CTNNA3: variants seen among roughly 807,000 people sequenced by gnomAD.
The protein encoded by CTNNA3 is catenin alpha 3.
CTNNA3 carries 76 observed loss-of-function variants against 95.7 expected under a neutral mutation model. That is an observed-to-expected ratio of 0.79 (90% CI 0.66 to 0.96). The LOEUF is 0.96. CTNNA3 is among the 40% of genes least tolerant of loss of function. The pLI is 0.00. For missense variants in CTNNA3, 1,191 were observed against 1,089.8 expected (o/e 1.09, Z -1.31); for synonymous variants, 431 against 374.4 (o/e 1.15, Z -1.74).
intron 10 of CTNNA3, among the ~76,000 whole-genome samples, chr10:66,591,565 C>G (rs542026013): frequency 2.6e-5 from 4 of 152,224 alleles, no homozygotes; most frequent in Admixed American, 6.6e-5. Flanking sequence ...AAGAGATGCT[C>G]TTGACATTGA....
chr10:66,879,989 A>C (rs1844783016), intron 7 of CTNNA3, among the ~76,000 whole-genome samples: 1 of 152,116 alleles, frequency 6.6e-6, no homozygotes, highest in African/African-American at 2.4e-5. Context: ...AAGATGTTGC[A>C]GCAAAGAACT....
chr10:67,453,138 C>T (rs1847052056), intron 5 of CTNNA3, among the ~76,000 whole-genome samples: 1 of 152,132 alleles, frequency 6.6e-6, no homozygotes, highest in Admixed American at 6.5e-5. Context: ...TGATCATCAG[C>T]TTGAGAGCTA....
chr10:65,961,284 T>G (rs1472706917), intron 17 of CTNNA3, among the ~76,000 whole-genome samples: 1 of 152,190 alleles, frequency 6.6e-6, no homozygotes, highest in Non-Finnish European at 1.5e-5. Flanking sequence ...ATATTTTATC[T>G]GTCATTGCAT....
chr10:66,817,545 G>A (rs957958081), intron 7 of CTNNA3, among the ~76,000 whole-genome samples: 17 of 151,900 alleles, frequency 1.1e-4, no homozygotes, highest in African/African-American at 4.1e-4. Flanking sequence ...ACAACTACAT[G>A]CCAACAAATT....
At chr10:66,736,331 G>A (rs1194263426) in intron 9 of CTNNA3, among the ~76,000 whole-genome samples, 3 of 151,166 alleles carry the variant, frequency 2.0e-5, no homozygotes, top group Middle Eastern at 3.2e-3. Flanking sequence ...GACTACAGGC[G>A]CACGCCGCCA....
At chr10:67,738,243 G>A (rs776671187) in intron 1 of CTNNA3, among the ~76,000 whole-genome samples, 5 of 152,140 alleles carry the variant, frequency 3.3e-5, no homozygotes, top group Admixed American at 6.5e-5. Flanking sequence ...ATCAGGCAGC[G>A]ATATTTGCTG....
chr10:66,262,001 A>G (rs1357210872), intron 13 of CTNNA3, among the ~76,000 whole-genome samples: 1 of 151,186 alleles, frequency 6.6e-6, no homozygotes, highest in Non-Finnish European at 1.5e-5. Flanking sequence ...CAACCATTAA[A>G]CCTCTTTCTC....
chr10:65,984,221 T>C (rs1481522849), intron 16 of CTNNA3, among the ~76,000 whole-genome samples: 1 of 151,252 alleles, frequency 6.6e-6, no homozygotes, highest in Non-Finnish European at 1.5e-5. Context: ...ATAATATACA[T>C]AGACACTGAA....
At chr10:65,968,301 G>A (rs1016257469) in intron 16 of CTNNA3, among the ~76,000 whole-genome samples, 9 of 152,038 alleles carry the variant, frequency 5.9e-5, no homozygotes, top group African/African-American at 1.9e-4. Flanking sequence ...GCCTGAGCCC[G>A]AGAAGTTAAT....
chr10:66,345,405 C>A (rs1398527688), intron 12 of CTNNA3, among the ~76,000 whole-genome samples: 1 of 152,044 alleles, frequency 6.6e-6, no homozygotes, highest in Non-Finnish European at 1.5e-5. Context: ...TGATGACCAG[C>A]GTTAAATCAG....
rs115989638 is a variant in CTNNA3, at chr10:67,348,895, C to T, written c.580-129025G>A. ...CTCAACAGCAAAAAGACTAATAACC[C>T]AATTTTTTAAATGGGGCAAAAAAAC... is the stretch of plus-strand genomic sequence containing the variant. On this transcript the variant is annotated intron_variant, in intron 5 of 17. Coordinates refer to ENST00000433211, the MANE Select transcript of CTNNA3 (RefSeq NM_013266.4). Among the ~76,000 whole-genome samples the T allele has an allele frequency of 8.0e-3, 1,211 of 152,192 alleles. 26 individuals carry two copies. Among genetic ancestry groups the T allele is most frequent in the African/African-American group, 0.028 (1,144 of 41,526 alleles).
chr10:67,706,574 C>T (rs1036535011), intron 1 of CTNNA3, among the ~76,000 whole-genome samples: 1 of 151,986 alleles, frequency 6.6e-6, no homozygotes, highest in African/African-American at 2.4e-5. Flanking sequence ...ATTCCAAGTC[C>T]CTTGGGAGGA....
chr10:66,014,564 CTA>C (rs1370210073), intron 15 of CTNNA3, among the ~76,000 whole-genome samples: 1 of 152,104 alleles, frequency 6.6e-6, no homozygotes, highest in Non-Finnish European at 1.5e-5. Context: ...GCTTTAATGA[CTA>C]TAAATGTGTT....
rs1564515595 is a variant in CTNNA3 at position 65,920,379 on chromosome 10, A to T, written c.2639T>A (p.Ile880Asn). Residue 880 changes from isoleucine (I) to asparagine (N), a missense_variant, in exon 18 of 18, where the codon ATC becomes AAC. Coordinates refer to ENST00000433211, the MANE Select transcript of CTNNA3 (RefSeq NM_013266.4). ...TTCACTCATGACTTGCAATGGATGGATTTTTTTCTTTGCTGAGCCTCGTCT... is the reference window on the plus strand; with the variant it reads ...TTCACTCATGACTTGCAATGGATGGTTTTTTTTCTTTGCTGAGCCTCGTCT... ...AVRRGSAKKK[I>N]HPLQVMSEFR... The T allele has an allele frequency of 6.2e-7, 1 of 1,613,958 alleles. No individual in the cohort carries two copies. Among genetic ancestry groups the T allele is most frequent in the Non-Finnish European group, 8.5e-7 (1 of 1,179,980 alleles).
intron 5 of CTNNA3, among the ~76,000 whole-genome samples, chr10:67,328,933 A>G (rs550715824): frequency 7.6e-4 from 115 of 152,294 alleles, no homozygotes; most frequent in African/African-American, 2.4e-3. Context: ...GTACTTTTTC[A>G]TTGTACCATA....
intron 5 of CTNNA3, among the ~76,000 whole-genome samples, chr10:67,309,992 C>T (rs1228820565): frequency 6.6e-6 from 1 of 152,106 alleles, no homozygotes; most frequent in African/African-American, 2.4e-5. Flanking sequence ...AAACAAGCTC[C>T]AGAGGAACTT....
At chr10:66,999,431 T>A (rs1851554133) in intron 7 of CTNNA3, among the ~76,000 whole-genome samples, 1 of 152,104 alleles carries the variant, frequency 6.6e-6, no homozygotes, top group African/African-American at 2.4e-5. Context: ...ATTAAGATCA[T>A]CAATTTGTAT....
intron 12 of CTNNA3, among the ~76,000 whole-genome samples, chr10:66,295,135 A>G (rs2091756335): frequency 6.6e-6 from 1 of 152,226 alleles, no homozygotes; most frequent in African/African-American, 2.4e-5. Context: ...TGTATGTGAA[A>G]GGACTGTGGA....
chr10:65,920,842 A>G (rs899788057), intron 17 of CTNNA3, among the ~76,000 whole-genome samples: 2 of 152,278 alleles, frequency 1.3e-5, no homozygotes, highest in African/African-American at 2.4e-5. Context: ...AATAAATAAT[A>G]AAAATAAAAA....
Sources: allele counts gnomAD v4.1 joint callset (sites outside exome capture counted in the v4.1 genomes callset), GRCh38; gene constraint gnomAD v4.1.1; transcripts MANE v1.5; gene names NCBI Gene and HGNC (gene_info 2026-07-23, HGNC 2026-07-21).